The following COX5A variants were observed in gnomAD, a reference collection of about 807,000 sequenced individuals.
COX5A encodes cytochrome c oxidase subunit 5A.
In COX5A, 6 loss-of-function variants were observed where a neutral mutation model predicts 16.1. The ratio of observed to expected loss-of-function variants is 0.37; its 90% CI spans 0.20 to 0.73. The LOEUF is 0.73. COX5A is among the 30% of genes least tolerant of loss of function. The pLI is 0.50. For synonymous variants in COX5A, 73 were observed against 73.8 expected, an observed-to-expected ratio of 0.99 and a Z score of 0.06; for missense variants, 159 against 194.9, an observed-to-expected ratio of 0.82 and a Z score of 1.10.
rs187081037 is a variant in COX5A, at chr15:74,931,629, C to T, written c.101-2397G>A. ...AATGCAGTGGAACAATCTCAGCTCACTGCAACCTCTGCCTCCTGGATTCAA... is the reference window on the plus strand; with the variant it reads ...AATGCAGTGGAACAATCTCAGCTCATTGCAACCTCTGCCTCCTGGATTCAA... On this transcript the variant is annotated intron_variant, in intron 1 of 4. Coordinates refer to ENST00000322347, the MANE Select transcript of COX5A (RefSeq NM_004255.4). Among the ~76,000 whole-genome samples the T allele has an allele frequency of 3.1e-3, 471 of 150,128 alleles. 3 individuals carry two copies. The highest frequency in any genetic ancestry group is 0.011 in the African/African-American group (456 of 40,860).
chr15:74,937,394 A>G (rs1012060259), intron 1 of COX5A, among the ~76,000 whole-genome samples: 9 of 152,236 alleles, frequency 5.9e-5, no homozygotes, highest in Admixed American at 2.6e-4. Context: ...AACGTGGCAC[A>G]GCAGACCCTA....
At chr15:74,931,393 C>T (rs889671693) in intron 1 of COX5A, among the ~76,000 whole-genome samples, 1 of 150,998 alleles carries the variant, frequency 6.6e-6, no homozygotes, top group African/African-American at 2.4e-5. Flanking sequence ...CTCAGCTACG[C>T]GAGAGACTGA....
At chr15:74,933,503 A>G (rs2065376306) in intron 1 of COX5A, among the ~76,000 whole-genome samples, 1 of 152,062 alleles carries the variant, frequency 6.6e-6, no homozygotes, top group Non-Finnish European at 1.5e-5. Flanking sequence ...CTAATGCACT[A>G]TTATCAAGAA....
intron 1 of COX5A, among the ~76,000 whole-genome samples, chr15:74,931,582 C>G (rs1188815132): frequency 7.0e-6 from 1 of 142,246 alleles, no homozygotes; most frequent in African/African-American, 2.6e-5. Context: ...GAGATCGAGT[C>G]TCACTCTGTC....
At chr15:74,937,321 C>A (rs1178992754) in intron 1 of COX5A, among the ~76,000 whole-genome samples, 1 of 152,178 alleles carries the variant, frequency 6.6e-6, no homozygotes, top group Admixed American at 6.6e-5. Context: ...AAAACTCTGG[C>A]TATCTTCCGG....
intron 1 of COX5A, among the ~76,000 whole-genome samples, chr15:74,937,122 A>T (rs1208584228): frequency 6.6e-6 from 1 of 151,892 alleles, no homozygotes; most frequent in African/African-American, 2.4e-5. Flanking sequence ...TGGACTCAAA[A>T]CCTCCCAGCA....
chr15:74,930,653 T>C (rs1448800082), intron 1 of COX5A, among the ~76,000 whole-genome samples: 2 of 148,656 alleles, frequency 1.3e-5, no homozygotes, highest in Non-Finnish European at 3.0e-5. Flanking sequence ...GGATTACAGG[T>C]GTGAGCCACC....
intron 4 of COX5A, 32 bp from the exon 5 acceptor site, chr15:74,920,474 A>G: frequency 1.5e-6 from 1 of 673,344 alleles, no homozygotes; most frequent in South Asian, 1.7e-5. Flanking sequence ...ATTAGCCAGG[A>G]AAGAATAAAG....
At chr15:74,930,748 T>C (rs987784000) in intron 1 of COX5A, among the ~76,000 whole-genome samples, 1 of 145,022 alleles carries the variant, frequency 6.9e-6, no homozygotes, top group African/African-American at 2.5e-5. Context: ...CCGGGCTTGG[T>C]GGCTCACGCC....
In COX5A at chr15:74,919,807, G is replaced by C. The variant is rs903921143; in HGVS notation, c.*645C>G. 6.6e-6 allele frequency: 1 copy of C among 152,272 alleles called. No homozygotes were observed. The highest frequency in any genetic ancestry group is 1.5e-5 in the Non-Finnish European group (1 of 68,128). The allele number at this position is 152,272 out of a possible 1,614,324, so 9.4% of individuals were successfully genotyped here. On this transcript the variant is annotated 3_prime_UTR_variant, in exon 5 of 5. Transcript: ENST00000322347. The stretch of plus-strand genomic sequence containing the variant: ...CAAGCAGGATTTGTTTTACTCAGCT[G>C]TTTAATCAGAATGCCTCCAAATTTA...
chr15:74,926,832 A>G lies in COX5A; in HGVS notation c.273T>C (p.Ala91=), dbSNP rs1209103099. 9 of 1,614,092 alleles carry G rather than the reference A, an allele frequency of 5.6e-6. No homozygotes were observed. Among genetic ancestry groups the G allele is most frequent in the African/African-American group, 1.3e-5 (1 of 75,068 alleles). Residue 91 remains alanine, a synonymous_variant, in exon 3 of 5, where the codon GCT becomes GCC. Coordinates refer to ENST00000322347, the MANE Select transcript of COX5A (RefSeq NM_004255.4). ...DMVPEPKIID[A]ALRACRRLND... is the part of the protein sequence containing the mutation. ...TTAACCGTCTGCATGCCCGCAAAGC[A>G]GCATCAATGATTTTGGGCTCTGGAA...
intron 1 of COX5A, among the ~76,000 whole-genome samples, chr15:74,936,413 C>T (rs2065390414): frequency 6.6e-6 from 1 of 151,570 alleles, no homozygotes; most frequent in African/African-American, 2.4e-5. Context: ...TCTAGGTTGG[C>T]TGCAGTGGCT....
intron 1 of COX5A, 124 bp from the exon 2 acceptor site, chr15:74,929,356 G>A: frequency 1.5e-6 from 1 of 670,006 alleles, no homozygotes; most frequent in Non-Finnish European, 2.7e-6. Flanking sequence ...CAGGTCAAAT[G>A]AAATACATCG....
intron 1 of COX5A, among the ~76,000 whole-genome samples, chr15:74,934,280 C>T (rs1410996592): frequency 6.6e-6 from 1 of 151,992 alleles, no homozygotes; most frequent in African/African-American, 2.4e-5. Flanking sequence ...AATTTAAAAA[C>T]CCATACATCC....
chr15:74,936,310 CA>C (rs1165669410), intron 1 of COX5A, among the ~76,000 whole-genome samples: 1 of 146,956 alleles, frequency 6.8e-6, no homozygotes, highest in Non-Finnish European at 1.5e-5. Context: ...AACAAACAAA[CA>C]AACAAAAAAA....
chr15:74,923,878 A>C (rs2141270318), intron 3 of COX5A, 108 bp from the exon 4 acceptor site: 1 of 676,118 alleles, frequency 1.5e-6, no homozygotes. Context: ...GGCAGGTAGG[A>C]CAGAATAATA....
intron 3 of COX5A, among the ~76,000 whole-genome samples, chr15:74,925,482 G>A (rs909684309): frequency 2.0e-5 from 3 of 151,618 alleles, no homozygotes; most frequent in Admixed American, 1.3e-4. Context: ...TCTGCCTCCC[G>A]GGTTCAAGCA....
At position 74,937,927 on chromosome 15, in the gene COX5A, CG is replaced by C. The variant is rs1457624587; in HGVS notation, c.87del (p.Gly30AlafsTer28). The C allele has an allele frequency of 8.1e-7, 1 of 1,232,074 alleles. No homozygotes were observed. The allele number at this position is 1,232,074 out of a possible 1,614,324, so 76.3% of individuals were successfully genotyped here. ...PRGLLHSART[P>X]GPAVAIQSVR... ...GCAGGGGCCTTACCCACGGCGGGGC[CG>C]GGGGTCCGGGCGGAGTGCAGGAGGC... On this transcript the variant is annotated frameshift_variant, in exon 1 of 5. Coordinates refer to ENST00000322347, the MANE Select transcript of COX5A (RefSeq NM_004255.4). LOFTEE classifies it high-confidence loss of function.
intron 3 of COX5A, among the ~76,000 whole-genome samples, chr15:74,924,841 A>G (rs2065336419): frequency 6.6e-6 from 1 of 152,244 alleles, no homozygotes; most frequent in Admixed American, 6.5e-5. Flanking sequence ...CCCATTATAG[A>G]TAAAGTAATG....
Sources: allele counts gnomAD v4.1 joint callset (sites outside exome capture counted in the v4.1 genomes callset), GRCh38; gene constraint gnomAD v4.1.1; transcripts MANE v1.5; gene names NCBI Gene and HGNC (gene_info 2026-07-23, HGNC 2026-07-21).